The following CLSTN2 variants were observed in gnomAD, a reference collection of about 807,000 sequenced individuals.
CLSTN2 encodes calsyntenin 2.
Under a neutral mutation model 101.2 loss-of-function variants are expected in CLSTN2, and 48 were observed. That is an observed-to-expected ratio of 0.47 (90% CI 0.38 to 0.60). The LOEUF (loss-of-function observed/expected upper bound fraction) is 0.60. Among genes scored for constraint, CLSTN2 ranks in the 20% least tolerant of loss-of-function variants. The pLI is 0.00. For synonymous variants in CLSTN2, 481 were observed against 463.6 expected (o/e 1.04, Z -0.48); for missense variants, 1,160 against 1,238.2 (o/e 0.94, Z 0.95).
In CLSTN2 at chr3:139,980,426, G is replaced by T. The variant is rs565818989; in HGVS notation, c.109+44943G>T. ...TCTCTGCTGAAACACAGGCTCATCA[G>T]AAAGTCCATCTATGACTATATTATG... On this transcript the variant is annotated intron_variant, in intron 1 of 16. Transcript: ENST00000458420. Among the ~76,000 whole-genome samples the T allele has an allele frequency of 2.0e-5, 3 of 152,168 alleles. No individual in the cohort carries two copies. The East Asian group carries it at 5.8e-4, about 29-fold the overall frequency.
At chr3:140,344,236 C>A (rs2087519355) in intron 2 of CLSTN2, among the ~76,000 whole-genome samples, 1 of 152,138 alleles carries the variant, frequency 6.6e-6, no homozygotes, top group Non-Finnish European at 1.5e-5. Context: ...AGATTCAAGT[C>A]TGCTCTACAC....
intron 12 of CLSTN2, among the ~76,000 whole-genome samples, 172 bp downstream of exon 12, chr3:140,559,029 A>G (rs1040630908): frequency 3.2e-4 from 49 of 152,202 alleles, no homozygotes; most frequent in Admixed American, 9.8e-4. Context: ...AAATGAAATG[A>G]ATATGAGGTG....
At chr3:140,127,599 C>G (rs945675459) in intron 1 of CLSTN2, among the ~76,000 whole-genome samples, 1 of 152,038 alleles carries the variant, frequency 6.6e-6, no homozygotes, top group Non-Finnish European at 1.5e-5. Flanking sequence ...TGGGATGAGG[C>G]GGCTGTCAGG....
At chr3:140,214,059 AAC>A (rs945848536) in intron 2 of CLSTN2, among the ~76,000 whole-genome samples, 3 of 152,112 alleles carry the variant, frequency 2.0e-5, no homozygotes, top group Non-Finnish European at 4.4e-5. Flanking sequence ...AAGTAAAATA[AAC>A]AGCAATGAGT....
chr3:140,245,610 T>C (rs542914549), intron 2 of CLSTN2, among the ~76,000 whole-genome samples: 8 of 152,058 alleles, frequency 5.3e-5, no homozygotes, highest in Non-Finnish European at 1.2e-4. Context: ...GTCAACAGCT[T>C]AGAGGTATAA....
chr3:140,552,247 G>A (rs1258656112), intron 10 of CLSTN2, among the ~76,000 whole-genome samples: 2 of 152,010 alleles, frequency 1.3e-5, no homozygotes, highest in African/African-American at 2.4e-5. Context: ...GAAAGGCTAT[G>A]GTCACAGCAC....
chr3:140,525,922 C>G (rs1935127443), intron 8 of CLSTN2, among the ~76,000 whole-genome samples: 1 of 152,118 alleles, frequency 6.6e-6, no homozygotes, highest in Non-Finnish European at 1.5e-5. Flanking sequence ...GATCATATCT[C>G]AAAATATTAA....
intron 2 of CLSTN2, among the ~76,000 whole-genome samples, chr3:140,368,325 T>C (rs2087816224): frequency 6.6e-6 from 1 of 152,168 alleles, no homozygotes; most frequent in Admixed American, 6.5e-5. Flanking sequence ...TGGCTTCCAG[T>C]TGCTTAAGCC....
At chr3:140,335,339 T>C (rs2087429488) in intron 2 of CLSTN2, among the ~76,000 whole-genome samples, 1 of 152,072 alleles carries the variant, frequency 6.6e-6, no homozygotes, top group Non-Finnish European at 1.5e-5. Context: ...GTTAAAGAAA[T>C]ATAAATTTCG....
At chr3:140,056,734 G>A (rs903909610) in intron 1 of CLSTN2, among the ~76,000 whole-genome samples, 5 of 152,214 alleles carry the variant, frequency 3.3e-5, no homozygotes, top group African/African-American at 9.6e-5. Flanking sequence ...TAAGTTGACA[G>A]TAGGTCATAT....
chr3:140,426,982 C>T (rs1227197877), intron 5 of CLSTN2, among the ~76,000 whole-genome samples: 2 of 151,648 alleles, frequency 1.3e-5, no homozygotes, highest in Non-Finnish European at 2.9e-5. Context: ...TGAAACCGGC[C>T]TGGCCAACAT....
At chr3:140,561,757 T>C (rs143131529) in intron 12 of CLSTN2, among the ~76,000 whole-genome samples, 7 of 152,322 alleles carry the variant, frequency 4.6e-5, no homozygotes, top group Non-Finnish European at 1.0e-4. Flanking sequence ...CTATTGCTTA[T>C]TGAGCACCTA....
chr3:140,019,569 A>G (rs1464251752), intron 1 of CLSTN2, among the ~76,000 whole-genome samples: 1 of 152,194 alleles, frequency 6.6e-6, no homozygotes, highest in East Asian at 1.9e-4. Context: ...ATAGTTGGGT[A>G]TTTTTAAGAA....
chr3:140,077,423 T>C (rs2008510946), intron 1 of CLSTN2, among the ~76,000 whole-genome samples: 1 of 152,206 alleles, frequency 6.6e-6, no homozygotes. Flanking sequence ...AGTCTTTCTG[T>C]CCAGCACCTG....
At chr3:140,351,619 A>T (rs1053712673) in intron 2 of CLSTN2, among the ~76,000 whole-genome samples, 1 of 152,202 alleles carries the variant, frequency 6.6e-6, no homozygotes, top group Non-Finnish European at 1.5e-5. Flanking sequence ...CAGTCAGACC[A>T]TTGTAGCACA....
chr3:140,546,068 C>CT (rs1364835044), intron 9 of CLSTN2, among the ~76,000 whole-genome samples: 1 of 152,142 alleles, frequency 6.6e-6, no homozygotes, highest in Non-Finnish European at 1.5e-5. Context: ...TGTATATGTC[C>CT]TGGGGCAACT....
chr3:139,982,872 TAGAG>T (rs777139302), intron 1 of CLSTN2, among the ~76,000 whole-genome samples: 4 of 151,896 alleles, frequency 2.6e-5, no homozygotes, highest in African/African-American at 9.7e-5. Flanking sequence ...AGACTATATA[TAGAG>T]AGAGACCATA....
intron 1 of CLSTN2, among the ~76,000 whole-genome samples, chr3:140,142,576 T>G (rs2107809818): frequency 6.6e-6 from 1 of 152,354 alleles, no homozygotes; most frequent in African/African-American, 2.4e-5. Flanking sequence ...TGTGACTAAG[T>G]TCTGCACCTG....
At position 140,049,648 on chromosome 3, in the gene CLSTN2, C is replaced by T. The variant is rs533670328; in HGVS notation, c.109+114165C>T. Among the ~76,000 whole-genome samples, 373 of 152,208 alleles carry T rather than the reference C, an allele frequency of 2.5e-3. 2 individuals are homozygous for T. The highest frequency in any genetic ancestry group is 8.5e-3 in the African/African-American group (355 of 41,552). On this transcript the variant is annotated intron_variant, in intron 1 of 16. Transcript: ENST00000458420. ...ATGATCTGTCTGGCTCAAAAGTTTC[C>T]TTTTGACCACGTTGCTTCAAGAGAC...
Sources: gnomAD v4.1 joint callset for allele counts (sites outside exome capture counted in the v4.1 genomes callset) on GRCh38, gnomAD v4.1.1 for gene constraint, MANE v1.5 for transcripts, NCBI Gene and HGNC (gene_info 2026-07-23, HGNC 2026-07-21) for gene names.